ABI3BP: variants seen among roughly 807,000 people sequenced by gnomAD.
ABI3BP encodes target of Nesh-SH3.
ABI3BP carries 216 observed loss-of-function variants against 268.6 expected under a neutral mutation model. The ratio of observed to expected loss-of-function variants is 0.80; its 90% CI spans 0.72 to 0.90. The LOEUF is 0.90. Among genes scored for constraint, ABI3BP ranks in the 40% least tolerant of loss-of-function variants. The pLI is 0.00. For missense variants in ABI3BP, 2,090 were observed against 2,182.4 expected, an observed-to-expected ratio of 0.96 and a Z score of 0.84; for synonymous variants, 730 against 730.0, an observed-to-expected ratio of 1.00 and a Z score of 0.00.
At chr3:100,961,579 C>G (rs1044923944) in intron 1 of ABI3BP, among the ~76,000 whole-genome samples, 7 of 152,140 alleles carry the variant, frequency 4.6e-5, no homozygotes, top group African/African-American at 1.7e-4. Context: ...GTTATGAACC[C>G]AGATCCAGAT....
chr3:100,845,180 A>G (rs887326643), intron 20 of ABI3BP, among the ~76,000 whole-genome samples: 15 of 152,190 alleles, frequency 9.9e-5, no homozygotes, highest in Non-Finnish European at 1.2e-4. Flanking sequence ...AAAGCTCTCT[A>G]AGCATGATTT....
At chr3:100,932,143 G>A (rs1166856043) in intron 1 of ABI3BP, among the ~76,000 whole-genome samples, 1 of 151,966 alleles carries the variant, frequency 6.6e-6, no homozygotes, top group Non-Finnish European at 1.5e-5. Flanking sequence ...TGGGATAATG[G>A]TTAGCCATAT....
intron 20 of ABI3BP, chr3:100,844,212 A>G: frequency 2.0e-6 from 2 of 985,464 alleles, no homozygotes; most frequent in Non-Finnish European, 2.4e-6. Flanking sequence ...GAATGAGAAC[A>G]ATTTACAATT....
chr3:100,794,850 T>C, intron 54 of ABI3BP, 73 bp downstream of exon 54: 1 of 1,067,200 alleles, frequency 9.4e-7, no homozygotes, highest in Non-Finnish European at 1.4e-6. Flanking sequence ...GTGAACATAA[T>C]GTATTATGGT....
chr3:100,765,641 C>G (rs1319506587), intron 63 of ABI3BP, among the ~76,000 whole-genome samples, 200 bp downstream of exon 63: 1 of 152,062 alleles, frequency 6.6e-6, no homozygotes, highest in Non-Finnish European at 1.5e-5. Context: ...ACCTTGTCAG[C>G]AATTTTAAAC....
At chr3:100,898,280 T>C (rs2048617331) in intron 4 of ABI3BP, among the ~76,000 whole-genome samples, 1 of 152,160 alleles carries the variant, frequency 6.6e-6, no homozygotes, top group South Asian at 2.1e-4. Context: ...GGGCCCCACC[T>C]TGAGAGTTTC....
At chr3:100,888,885 T>C (rs1429470225) in intron 4 of ABI3BP, among the ~76,000 whole-genome samples, 2 of 151,932 alleles carry the variant, frequency 1.3e-5, no homozygotes, top group Non-Finnish European at 1.5e-5. Context: ...TAAATTTTCA[T>C]TGATTTTAAA....
chr3:100,753,246 T>C (rs2095433317), intron 65 of ABI3BP, among the ~76,000 whole-genome samples: 1 of 152,060 alleles, frequency 6.6e-6, no homozygotes, highest in Non-Finnish European at 1.5e-5. Context: ...TGTTATAAAG[T>C]TTAGACAACT....
intron 24 of ABI3BP, 34 bp downstream of exon 24, chr3:100,839,535 G>C: frequency 1.3e-6 from 2 of 1,534,704 alleles, no homozygotes; most frequent in Non-Finnish European, 1.7e-6. Flanking sequence ...GCTACAACCC[G>C]TGAAAGCAGC....
chr3:100,898,471 C>T (rs1372196115), intron 4 of ABI3BP, among the ~76,000 whole-genome samples: 1 of 152,210 alleles, frequency 6.6e-6, no homozygotes, highest in Non-Finnish European at 1.5e-5. Flanking sequence ...TCCTAACTGC[C>T]TTTGGCCCCG....
intron 20 of ABI3BP, chr3:100,843,582 AAG>A (rs2098734498): frequency 1.0e-6 from 1 of 976,040 alleles, no homozygotes; most frequent in African/African-American, 1.8e-5. Context: ...GGGGAGAAGA[AAG>A]AGTGTCTGGG....
In ABI3BP at chr3:100,794,989, G is replaced by A. The variant is rs1385920115; in HGVS notation, c.3880C>T (p.Arg1294Ter). ...PKTTIAPLET[R>*]GIPFIPMISP... Reference sequence around the variant, plus strand: ...ATCATGGGTATAAAAGGGATGCCTCGTGTCTCTAGAGGAGCTGCAAAAAGA... The same window carrying A: ...ATCATGGGTATAAAAGGGATGCCTCATGTCTCTAGAGGAGCTGCAAAAAGA... Residue 1294 changes from arginine to a stop codon, truncating the protein, a stop_gained, in exon 54 of 68, where the codon CGA becomes TGA. Transcript: ENST00000471714. LOFTEE classifies it high-confidence loss of function. 9 of 1,545,656 alleles carry A rather than the reference G, an allele frequency of 5.8e-6. No individual in the cohort carries two copies. Among genetic ancestry groups the A allele is most frequent in the African/African-American group, 1.4e-5 (1 of 71,896 alleles).
intron 3 of ABI3BP, among the ~76,000 whole-genome samples, chr3:100,901,336 T>C (rs35999953): frequency 0.12 from 18,014 of 152,258 alleles, 1,235 homozygotes; most frequent in Non-Finnish European, 0.15. Context: ...TAGCTGACTG[T>C]TCTTTCTCCC....
In ABI3BP at chr3:100,840,122, C is replaced by CG; in HGVS notation, c.1846dup (p.Arg616ProfsTer5). 23 of 455,764 alleles carry CG rather than the reference C, an allele frequency of 5.0e-5. No homozygotes were observed. The highest frequency in any genetic ancestry group is 3.5e-4 in the Middle Eastern group (1 of 2,856). 28.2% of individuals were successfully genotyped at this position (455,764 alleles called of 1,614,324 possible). On this transcript the variant is annotated frameshift_variant, in exon 23 of 68. Transcript: ENST00000471714. LOFTEE classifies it high-confidence loss of function. ...ACTAGGTGTGGTTTTAGGGCGGGGA[C>CG]GGGGGCGGGGGCGACGACCTGGTCT...
chr3:100,918,089 C>A (rs1467066424), intron 2 of ABI3BP, among the ~76,000 whole-genome samples: 1 of 152,068 alleles, frequency 6.6e-6, no homozygotes, highest in East Asian at 1.9e-4. Context: ...AAAATGATAA[C>A]TTTGGACTCA....
intron 6 of ABI3BP, among the ~76,000 whole-genome samples, chr3:100,878,667 A>G (rs1262052378): frequency 4.6e-5 from 7 of 152,128 alleles, no homozygotes; most frequent in Admixed American, 3.3e-4. Context: ...TTATAAAACT[A>G]TTACATGTGA....
At chr3:100,982,483 T>C (rs2090008599) in intron 1 of ABI3BP, among the ~76,000 whole-genome samples, 1 of 151,840 alleles carries the variant, frequency 6.6e-6, no homozygotes, top group Non-Finnish European at 1.5e-5. Context: ...GGTGAAGCAT[T>C]AGGTTGGTGC....
chr3:100,913,846 G>A (rs1374791838), intron 2 of ABI3BP, among the ~76,000 whole-genome samples: 2 of 152,118 alleles, frequency 1.3e-5, no homozygotes, highest in South Asian at 4.1e-4. Context: ...AAGAGGCTGA[G>A]GATTACTCTG....
chr3:100,916,540 C>T (rs997843988), intron 2 of ABI3BP, among the ~76,000 whole-genome samples: 7 of 152,180 alleles, frequency 4.6e-5, no homozygotes, highest in African/African-American at 1.7e-4. Flanking sequence ...TCACTGTCTT[C>T]AGTGGGGCAA....
Sources: allele counts gnomAD v4.1 joint callset (sites outside exome capture counted in the v4.1 genomes callset), GRCh38; gene constraint gnomAD v4.1.1; transcripts MANE v1.5; gene names NCBI Gene and HGNC (gene_info 2026-07-23, HGNC 2026-07-21).